Variants in SIK2 observed in about 807,000 individuals in gnomAD.
The protein encoded by SIK2 is serine/threonine-protein kinase SIK2.
A neutral mutation model predicts 103.2 loss-of-function variants in SIK2; 29 were observed. The ratio of observed to expected loss-of-function variants is 0.28; its 90% CI spans 0.21 to 0.38. The LOEUF (loss-of-function observed/expected upper bound fraction) is 0.38, where lower values mean the gene tolerates loss of function less well. SIK2 is among the 10% of genes least tolerant of loss of function. The pLI, the probability that SIK2 is intolerant of heterozygous loss-of-function variation, is 1.00. For synonymous variants in SIK2, 412 were observed against 446.1 expected (o/e 0.92, Z 0.96); for missense variants, 879 against 1,171.0 (o/e 0.75, Z 3.64).
intron 3 of SIK2, among the ~76,000 whole-genome samples, chr11:111,627,147 C>G (rs1941971893): frequency 2.0e-5 from 3 of 152,032 alleles, no homozygotes; most frequent in Admixed American, 1.3e-4. Flanking sequence ...TTCAGGTAGG[C>G]ACAAGCACGG....
In SIK2 at chr11:111,723,649, G is replaced by A. The variant is rs200450249; in HGVS notation, c.2301G>A (p.Pro767=). Residue 767 remains proline, a synonymous_variant, in exon 15 of 15, where the codon CCG becomes CCA. Coordinates refer to ENST00000304987, the MANE Select transcript of SIK2 (RefSeq NM_015191.3). ...ETPPPSQQAP[P]FSLTQPLSPV... is the part of the protein sequence containing the mutation. Reference sequence around the variant, plus strand: ...CACCGCCTTCTCAGCAGGCCCCACCGTTCAGCCTGACCCAGCCCCTGAGCC... The same window carrying A: ...CACCGCCTTCTCAGCAGGCCCCACCATTCAGCCTGACCCAGCCCCTGAGCC... 169 of 1,614,070 alleles carry A rather than the reference G, an allele frequency of 1.0e-4. No individual in the cohort carries two copies. The highest frequency in any genetic ancestry group is 4.9e-4 in the Middle Eastern group (3 of 6,062).
Position 111,726,884 on chromosome 11 carries a change from G to C in SIK2, c.*2755G>C. The C allele has an allele frequency of 7.7e-7, 1 of 1,299,788 alleles. No individual in the cohort carries two copies. The allele number at this position is 1,299,788 out of a possible 1,614,324, so 80.5% of individuals were successfully genotyped here. A position where few individuals can be genotyped will look rare whatever the true frequency, so the allele number is the denominator to read the frequency against. On this transcript the variant is annotated 3_prime_UTR_variant, in exon 15 of 15. Coordinates refer to ENST00000304987, the MANE Select transcript of SIK2 (RefSeq NM_015191.3). Reference sequence around the variant, plus strand: ...CTGAAGAGACTTTGGTGAGATGAACGTGAGGTAAAAATTTCGTTCGGCAAA... The same window carrying C: ...CTGAAGAGACTTTGGTGAGATGAACCTGAGGTAAAAATTTCGTTCGGCAAA...
chr11:111,680,487 C>A (rs549199510), intron 3 of SIK2, among the ~76,000 whole-genome samples: 5 of 152,118 alleles, frequency 3.3e-5, no homozygotes, highest in African/African-American at 1.2e-4. Context: ...AAATTACAAA[C>A]CGATGAAATT....
At chr11:111,632,622 A>G (rs553681694) in intron 3 of SIK2, among the ~76,000 whole-genome samples, 1 of 152,252 alleles carries the variant, frequency 6.6e-6, no homozygotes, top group South Asian at 2.1e-4. Context: ...AGAGCAAGTA[A>G]GCAAGTAGGT....
intron 3 of SIK2, among the ~76,000 whole-genome samples, chr11:111,639,365 G>A (rs1942151597): frequency 6.6e-6 from 1 of 152,032 alleles, no homozygotes; most frequent in South Asian, 2.1e-4. Flanking sequence ...TCTAATTTCT[G>A]TCTCCTTTAC....
At chr11:111,606,343 A>C (rs1053299896) in intron 1 of SIK2, among the ~76,000 whole-genome samples, 3 of 152,088 alleles carry the variant, frequency 2.0e-5, no homozygotes, top group African/African-American at 7.2e-5. Flanking sequence ...TGAACAAAAA[A>C]GTATACATAT....
chr11:111,693,160 C>T (rs1357283861), intron 4 of SIK2, among the ~76,000 whole-genome samples: 1 of 151,954 alleles, frequency 6.6e-6, no homozygotes, highest in East Asian at 1.9e-4. Flanking sequence ...GGTGAAACCC[C>T]GTCTCTACTA....
intron 3 of SIK2, among the ~76,000 whole-genome samples, chr11:111,675,198 A>G (rs757806431): frequency 6.6e-6 from 1 of 152,224 alleles, no homozygotes; most frequent in Non-Finnish European, 1.5e-5. Flanking sequence ...CTCATTCTAC[A>G]TATGCTTTTC....
rs1941595414 is a variant in SIK2 at position 111,602,490 on chromosome 11, C to G, written c.-74C>G. 7.2e-7 allele frequency: 1 copy of G among 1,390,412 alleles called. No homozygotes were observed. The allele number at this position is 1,390,412 out of a possible 1,614,324, so 86.1% of individuals were successfully genotyped here. ...AAGGAGCAAGCGGAGCGGCCGTCGC[C>G]CAAGCCAAGCCGCGCTGCCAACCCT... On this transcript the variant is annotated 5_prime_UTR_variant, in exon 1 of 15. Coordinates refer to ENST00000304987, the MANE Select transcript of SIK2 (RefSeq NM_015191.3). This position sits in a 1 kb window ranked among gnomAD's most constrained non-coding sequence, Gnocchi z 4.5.
chr11:111,720,984 A>G lies in SIK2; in HGVS notation c.1866A>G (p.Glu622=). 2 of 1,614,192 alleles carry G rather than the reference A, an allele frequency of 1.2e-6. 1 individual carries two copies. The highest frequency in any genetic ancestry group is 4.5e-5 in the East Asian group (2 of 44,886). The part of the protein sequence containing the change: ...LELNKVQLLY[E]QIGPEADPNL... ...TGAACAAAGTGCAGTTGTTGTATGAACAAATAGGACCGGAGGCAGACCCTA... is the reference window on the plus strand; with the variant it reads ...TGAACAAAGTGCAGTTGTTGTATGAGCAAATAGGACCGGAGGCAGACCCTA... Residue 622 remains glutamate, a synonymous_variant, in exon 12 of 15, where the codon GAA becomes GAG. Coordinates refer to ENST00000304987, the MANE Select transcript of SIK2 (RefSeq NM_015191.3).
chr11:111,622,779 T>C (rs1941908881), intron 3 of SIK2, among the ~76,000 whole-genome samples: 1 of 152,218 alleles, frequency 6.6e-6, no homozygotes, highest in Non-Finnish European at 1.5e-5. Context: ...CTGTTATCTT[T>C]TTCTTTATTC....
At chr11:111,621,077 C>T (rs1941876881) in intron 3 of SIK2, among the ~76,000 whole-genome samples, 1 of 152,142 alleles carries the variant, frequency 6.6e-6, no homozygotes, top group South Asian at 2.1e-4. Flanking sequence ...GTTTTTTAAG[C>T]AGCTTTATTG....
intron 3 of SIK2, among the ~76,000 whole-genome samples, chr11:111,654,596 A>G (rs1942367589): frequency 6.6e-6 from 1 of 152,236 alleles, no homozygotes; most frequent in Admixed American, 6.5e-5. Context: ...CTTTAATATT[A>G]TGCTTTGTTT....
At chr11:111,716,521 G>A (rs989351999) in intron 9 of SIK2, among the ~76,000 whole-genome samples, 2 of 152,124 alleles carry the variant, frequency 1.3e-5, no homozygotes, top group African/African-American at 4.8e-5. Context: ...AGGTTGCAGT[G>A]AGCCCAGATT....
At chr11:111,698,173 T>C (rs1943123600) in intron 4 of SIK2, among the ~76,000 whole-genome samples, 5 of 152,168 alleles carry the variant, frequency 3.3e-5, no homozygotes. Flanking sequence ...AAAATAGAAA[T>C]AACTGCTTAG....
chr11:111,668,177 G>GGGGTGTGT (rs72041846), intron 3 of SIK2, among the ~76,000 whole-genome samples: 1,732 of 129,914 alleles, frequency 0.013, 25 homozygotes, highest in African/African-American at 0.048. Context: ...ACTAAAGTAA[G>GGGGTGTGT]GAGTGTGTGT....
chr11:111,683,583 C>T (rs1942805723), intron 3 of SIK2, among the ~76,000 whole-genome samples: 1 of 152,052 alleles, frequency 6.6e-6, no homozygotes, highest in Non-Finnish European at 1.5e-5. Flanking sequence ...TCCTGAGTAG[C>T]TGGGATAACA....
chr11:111,675,018 G>C (rs1442085044), intron 3 of SIK2, among the ~76,000 whole-genome samples: 1 of 152,162 alleles, frequency 6.6e-6, no homozygotes, highest in African/African-American at 2.4e-5. Context: ...CCAAAGTGCT[G>C]GGACTACAGG....
At chr11:111,708,856 G>A (rs921867904) in intron 8 of SIK2, among the ~76,000 whole-genome samples, 10 of 152,098 alleles carry the variant, frequency 6.6e-5, no homozygotes, top group African/African-American at 1.9e-4. Flanking sequence ...CCAAAGTGTC[G>A]GGATTGCAGG....
Sources: gnomAD v4.1 joint callset for allele counts (sites outside exome capture counted in the v4.1 genomes callset) on GRCh38, gnomAD v4.1.1 for gene constraint, Gnocchi (gnomAD v3.1) non-coding constraint, MANE v1.5 for transcripts, NCBI Gene and HGNC (gene_info 2026-07-23, HGNC 2026-07-21) for gene names.